Variants in GOLT1A observed in about 807,000 individuals in gnomAD.
GOLT1A encodes vesicle transport protein GOT1A.
GOLT1A carries 10 observed loss-of-function variants against 16.1 expected under a neutral mutation model. That is an observed-to-expected ratio of 0.62 (90% CI 0.38 to 1.05). The LOEUF is 1.05. Ranked by LOEUF, GOLT1A falls within the 50% of genes least tolerant of loss-of-function variation. The probability of loss-of-function intolerance (pLI) is 0.01; values close to 1 mark genes in which losing one functional copy is unlikely to be tolerated. For synonymous variants in GOLT1A, 60 were observed against 67.9 expected (o/e 0.88, Z 0.57); for missense variants, 137 against 165.7 (o/e 0.83, Z 0.95).
chr1:204,198,318 C>A lies in GOLT1A; in HGVS notation c.*140G>T. On this transcript the variant is annotated 3_prime_UTR_variant, in exon 5 of 5. Coordinates refer to ENST00000308302, the MANE Select transcript of GOLT1A (RefSeq NM_198447.2). ...TGGGGATTTGACGTCAGTTGCTCAG[C>A]TCCATTCCTTCCTTCTGGACTTGGG... is the stretch of plus-strand genomic sequence containing the variant. 1.3e-6 allele frequency: 1 copy of A among 775,508 alleles called. No individual in the cohort carries two copies. 48.0% of individuals were successfully genotyped at this position (775,508 alleles called of 1,614,324 possible). A position where few individuals can be genotyped will look rare whatever the true frequency, so the allele number is the denominator to read the frequency against.
chr1:204,213,027 T>C (rs1384955394), intron 1 of GOLT1A, among the ~76,000 whole-genome samples: 13 of 152,166 alleles, frequency 8.5e-5, no homozygotes, highest in Admixed American at 7.2e-4. Flanking sequence ...AAGATCTGAA[T>C]AAAGGCTCAC....
At chr1:204,213,857 T>TTG (rs780898091) in intron 1 of GOLT1A, 25 bp downstream of exon 1, 3 of 1,611,760 alleles carry the variant, frequency 1.9e-6, no homozygotes, top group African/African-American at 2.7e-5. Context: ...GGATAGCCCA[T>TTG]TGCAGCCCCG....
Position 204,200,144 on chromosome 1 carries a change from T to G in GOLT1A, c.297-886A>C, listed in dbSNP as rs182692367. 3.9e-3 allele frequency among the ~76,000 whole-genome samples: 586 copies of G among 151,878 alleles called. 4 individuals are homozygous for G. The highest frequency in any genetic ancestry group is 9.4e-3 in the African/African-American group (388 of 41,366). The stretch of plus-strand genomic sequence containing the variant: ...AATGCTAACTGTTGTCAGAATTTAT[T>G]TATGGGTCTTCCCTACTAAATTGTA... On this transcript the variant is annotated intron_variant, in intron 3 of 4. Coordinates refer to ENST00000308302, the MANE Select transcript of GOLT1A (RefSeq NM_198447.2).
At chr1:204,211,846 T>C (rs1260941432) in intron 1 of GOLT1A, among the ~76,000 whole-genome samples, 1 of 152,106 alleles carries the variant, frequency 6.6e-6, no homozygotes, top group Admixed American at 6.5e-5. Flanking sequence ...TACTGGCATG[T>C]AGTGGATAGA....
In GOLT1A at chr1:204,213,920, T is replaced by TG. The variant is rs747931447; in HGVS notation, c.-15dup. The TG allele has an allele frequency of 8.7e-6, 14 of 1,612,624 alleles. No individual in the cohort carries two copies. The African/African-American group carries it at 1.1e-4, about 12-fold the overall frequency. ...GATGGAGATCATGCCGCACTCAGCC[T>TG]GGGGGGCTTTCCGGGTGGAAGCGGG... is the stretch of plus-strand genomic sequence containing the variant. On this transcript the variant is annotated 5_prime_UTR_variant, in exon 1 of 5. It removes the in-frame stop codon of an upstream open reading frame in the 5' UTR. Coordinates refer to ENST00000308302, the MANE Select transcript of GOLT1A (RefSeq NM_198447.2).
intron 4 of GOLT1A, chr1:204,198,824 C>A: frequency 2.1e-6 from 1 of 483,354 alleles, no homozygotes; most frequent in South Asian, 3.0e-5. Context: ...AGCTGTCATA[C>A]ATTCTCTCCA....
chr1:204,198,974 G>A, intron 4 of GOLT1A: 1 of 573,156 alleles, frequency 1.7e-6, no homozygotes, highest in Non-Finnish European at 3.1e-6. Flanking sequence ...GCCACACTCA[G>A]CTACAACTGC....
intron 1 of GOLT1A, among the ~76,000 whole-genome samples, chr1:204,208,476 G>GTATATATATATATATATATA (rs1553234655): frequency 2.5e-5 from 1 of 39,936 alleles, no homozygotes; most frequent in African/African-American, 7.9e-5. Flanking sequence ...GTGTGTGTGT[G>GTATATATATATATATATATA]TATATATATA....
At chr1:204,199,958 C>T (rs954776074) in intron 3 of GOLT1A, among the ~76,000 whole-genome samples, 2 of 152,144 alleles carry the variant, frequency 1.3e-5, no homozygotes, top group Non-Finnish European at 2.9e-5. Flanking sequence ...ACTTCCTTAC[C>T]GTGGGCCTCA....
At chr1:204,206,058 A>C (rs1018579541) in intron 1 of GOLT1A, among the ~76,000 whole-genome samples, 1 of 152,190 alleles carries the variant, frequency 6.6e-6, no homozygotes, top group Non-Finnish European at 1.5e-5. Flanking sequence ...TAACAAGAGC[A>C]AAACTCCATC....
chr1:204,207,222 G>A (rs898871472), intron 1 of GOLT1A, among the ~76,000 whole-genome samples: 3 of 152,168 alleles, frequency 2.0e-5, no homozygotes, highest in Admixed American at 6.5e-5. Context: ...GTGCCTGCCC[G>A]GCACGGTCCC....
chr1:204,202,731 T>C (rs1477890517), intron 2 of GOLT1A, among the ~76,000 whole-genome samples, 165 bp downstream of exon 2: 1 of 152,158 alleles, frequency 6.6e-6, no homozygotes, highest in African/African-American at 2.4e-5. Context: ...CTTGATGATG[T>C]CTGACCCCTG....
intron 3 of GOLT1A, among the ~76,000 whole-genome samples, chr1:204,200,728 G>A (rs1444665171): frequency 2.6e-5 from 4 of 152,098 alleles, no homozygotes; most frequent in Non-Finnish European, 4.4e-5. Context: ...GGCCATTCAG[G>A]CTAATCAGGG....
intron 1 of GOLT1A, among the ~76,000 whole-genome samples, chr1:204,203,375 A>T (rs1658991994): frequency 6.6e-6 from 1 of 152,190 alleles, no homozygotes; most frequent in Non-Finnish European, 1.5e-5. Context: ...TGCAACTGAG[A>T]ACCACTGGAG....
intron 1 of GOLT1A, among the ~76,000 whole-genome samples, chr1:204,205,279 G>A (rs1398427257): frequency 6.6e-6 from 1 of 152,040 alleles, no homozygotes. Flanking sequence ...TATTCTAAGA[G>A]TTTTATAGTT....
intron 1 of GOLT1A, among the ~76,000 whole-genome samples, chr1:204,205,434 T>C (rs551921157): frequency 5.3e-5 from 8 of 152,358 alleles, no homozygotes; most frequent in African/African-American, 1.9e-4. Flanking sequence ...CCCCATTTCA[T>C]GGTCTTGATG....
intron 2 of GOLT1A, among the ~76,000 whole-genome samples, chr1:204,202,229 G>T (rs1658975429): frequency 6.6e-6 from 1 of 151,594 alleles, no homozygotes; most frequent in African/African-American, 2.4e-5. Flanking sequence ...ACTGCCTACA[G>T]AATAACCCTC....
chr1:204,207,359 C>G (rs1659056152), intron 1 of GOLT1A, among the ~76,000 whole-genome samples: 1 of 152,228 alleles, frequency 6.6e-6, no homozygotes, highest in South Asian at 2.1e-4. Context: ...CCAGGCGCCA[C>G]CTAGAAGTGG....
At position 204,198,272 on chromosome 1, in the gene GOLT1A, T is replaced by C. The variant is rs955836039; in HGVS notation, c.*186A>G. ...CCTTGGGGTCTGCATCTCTGCTTCC[T>C]GGCAGCCTCTTGAGTCGACTTGGGG... On this transcript the variant is annotated 3_prime_UTR_variant, in exon 5 of 5. Transcript: ENST00000308302. 35 of 585,032 alleles carry C rather than the reference T, an allele frequency of 6.0e-5. No homozygotes were observed. Among genetic ancestry groups the C allele is most frequent in the Admixed American group, 4.8e-4 (15 of 30,984 alleles). 36.2% of individuals were successfully genotyped at this position (585,032 alleles called of 1,614,324 possible). A position where few individuals can be genotyped will look rare whatever the true frequency, so the allele number is the denominator to read the frequency against.
Sources: gnomAD v4.1 joint callset for allele counts (sites outside exome capture counted in the v4.1 genomes callset) on GRCh38, gnomAD v4.1.1 for gene constraint, MANE v1.5 for transcripts, NCBI Gene and HGNC (gene_info 2026-07-23, HGNC 2026-07-21) for gene names.